CREB1: variants seen among roughly 807,000 people sequenced by gnomAD.
CREB1 encodes cyclic AMP-responsive element-binding protein 1.
CREB1 carries 2 observed loss-of-function variants against 42.0 expected under a neutral mutation model. The observed-to-expected ratio is 0.05, with a 90% CI of 0.02 to 0.15. The LOEUF (loss-of-function observed/expected upper bound fraction) is 0.15, where lower values mean the gene tolerates loss of function less well. CREB1 is among the 10% of genes least tolerant of loss of function. The pLI, the probability that CREB1 is intolerant of heterozygous loss-of-function variation, is 1.00. For synonymous variants in CREB1, 123 were observed against 139.9 expected (o/e 0.88, Z 0.85); for missense variants, 199 against 388.9 (o/e 0.51, Z 4.11).
chr2:207,605,091 G>A lies in CREB1; in HGVS notation c.*8033G>A, dbSNP rs1355420433. ...AATTATTTGGGGTATATGCCTGGGAGTGGAGTTGCTGGGTCATGTTGAAAT... is the reference window on the plus strand; with the variant it reads ...AATTATTTGGGGTATATGCCTGGGAATGGAGTTGCTGGGTCATGTTGAAAT... On this transcript the variant is annotated 3_prime_UTR_variant, in exon 8 of 8. Coordinates refer to ENST00000353267, the MANE Select transcript of CREB1 (RefSeq NM_004379.5). Among the ~76,000 whole-genome samples the A allele has an allele frequency of 6.6e-6, 1 of 152,202 alleles. No homozygotes were observed. The highest frequency in any genetic ancestry group is 1.5e-5 in the Non-Finnish European group (1 of 68,046).
At chr2:207,532,563 C>G (rs2106324806) in intron 1 of CREB1, among the ~76,000 whole-genome samples, 1 of 151,296 alleles carries the variant, frequency 6.6e-6, no homozygotes, top group African/African-American at 2.4e-5. Context: ...ATCCCAGCTA[C>G]TAGGGTAGCT....
intron 7 of CREB1, among the ~76,000 whole-genome samples, chr2:207,595,329 C>A (rs1226518484): frequency 6.6e-6 from 1 of 151,934 alleles, no homozygotes; most frequent in African/African-American, 2.4e-5. Context: ...ATTTATATAT[C>A]TCTGGAGAAA....
At chr2:207,568,614 T>G (rs2082231364) in intron 4 of CREB1, among the ~76,000 whole-genome samples, 1 of 152,162 alleles carries the variant, frequency 6.6e-6, no homozygotes, top group South Asian at 2.1e-4. Flanking sequence ...TTTATGTGAC[T>G]AAGCACATGA....
intron 7 of CREB1, among the ~76,000 whole-genome samples, chr2:207,587,265 T>C (rs549804073): frequency 6.6e-4 from 100 of 151,430 alleles, no homozygotes; most frequent in Non-Finnish European, 1.2e-3. Flanking sequence ...TGGTGGCGGG[T>C]GCCTGTAGTC....
chr2:207,555,783 C>A lies in CREB1; in HGVS notation c.114+34C>A, dbSNP rs748666092. The A allele has an allele frequency of 2.9e-6, 4 of 1,382,326 alleles. No homozygotes were observed. In the African/African-American group the frequency reaches 4.3e-5, roughly 15 times the overall value. 85.6% of individuals were successfully genotyped at this position (1,382,326 alleles called of 1,614,324 possible). ...TACATGGAGAGATTCCAGTTTGTGT[C>A]TCTTCCTAGAGGAATACGTTTCCAA... is the stretch of plus-strand genomic sequence containing the variant. On this transcript the variant is annotated intron_variant, in intron 2 of 7. Coordinates refer to ENST00000353267, the MANE Select transcript of CREB1 (RefSeq NM_004379.5).
intron 7 of CREB1, chr2:207,582,259 T>C (rs1057511668): frequency 3.4e-5 from 23 of 669,774 alleles, no homozygotes; most frequent in Non-Finnish European, 5.4e-5. Context: ...TATGCAGATA[T>C]ATTCTTTTCT....
intron 3 of CREB1, among the ~76,000 whole-genome samples, chr2:207,567,237 G>GA (rs1015779369): frequency 6.6e-5 from 10 of 150,606 alleles, no homozygotes; most frequent in East Asian, 1.9e-4. Flanking sequence ...ATGGAGTCCT[G>GA]AAAAAAAAAT....
intron 2 of CREB1, among the ~76,000 whole-genome samples, chr2:207,556,765 G>A (rs2081740667): frequency 6.6e-6 from 1 of 152,204 alleles, no homozygotes; most frequent in African/African-American, 2.4e-5. Context: ...AGGGGAGAGA[G>A]CCAGGACTTC....
chr2:207,559,478 C>T (rs965142157), intron 2 of CREB1, among the ~76,000 whole-genome samples: 2 of 152,176 alleles, frequency 1.3e-5, no homozygotes, highest in African/African-American at 4.8e-5. Flanking sequence ...CTATCTTTCT[C>T]ACTTTTGTAG....
At chr2:207,567,803 GCTGT>G (rs1559290471) in intron 4 of CREB1, 2 of 283,026 alleles carry the variant, frequency 7.1e-6, no homozygotes, top group African/African-American at 4.4e-5. Context: ...GACTGTGCTG[GCTGT>G]CTTTCTGTTA....
chr2:207,577,995 A>G (rs1174739147), intron 7 of CREB1: 2 of 297,006 alleles, frequency 6.7e-6, no homozygotes, highest in Admixed American at 4.8e-5. Flanking sequence ...AAGAAGATCA[A>G]GAGTTTCATA....
Position 207,572,779 on chromosome 2 carries a change from G to A in CREB1, c.505+2458G>A, listed in dbSNP as rs143513448. Among the ~76,000 whole-genome samples the A allele has an allele frequency of 1.3e-3, 196 of 151,084 alleles. 4 individuals are homozygous for A. In the East Asian group the frequency reaches 0.035, roughly 27 times the overall value. On this transcript the variant is annotated intron_variant, in intron 5 of 7. Transcript: ENST00000353267. ...TGCAGTGAGCCGAGATAGCGCCACT[G>A]CATTCCAGCCTGGGCAACAGCGAGA...
rs372707762 is a variant in CREB1 at position 207,574,290 on chromosome 2, A to G, written c.506-982A>G. On this transcript the variant is annotated intron_variant, in intron 5 of 7. Coordinates refer to ENST00000353267, the MANE Select transcript of CREB1 (RefSeq NM_004379.5). ...TTTACTTTTTTCTTACTCAGTTAAA[A>G]TCAGTTTTGTAGTTTTATATGTGAT... Among the ~76,000 whole-genome samples the G allele has an allele frequency of 9.8e-5, 15 of 152,324 alleles. No individual in the cohort carries two copies. In the East Asian group the frequency reaches 2.5e-3, roughly 25 times the overall value.
At chr2:207,540,262 C>T (rs2081041035) in intron 1 of CREB1, among the ~76,000 whole-genome samples, 2 of 152,066 alleles carry the variant, frequency 1.3e-5, no homozygotes, top group African/African-American at 2.4e-5. Flanking sequence ...CAGTGGGACA[C>T]GTTGTGGAGG....
chr2:207,596,475 T>G (rs934587230), intron 7 of CREB1, among the ~76,000 whole-genome samples: 3 of 150,808 alleles, frequency 2.0e-5, no homozygotes, highest in Non-Finnish European at 4.4e-5. Context: ...CTCTTGTCAC[T>G]CAGGCTGGAG....
intron 7 of CREB1, among the ~76,000 whole-genome samples, chr2:207,578,909 A>G (rs563536509): frequency 3.5e-4 from 53 of 151,890 alleles, no homozygotes; most frequent in African/African-American, 1.1e-3. Context: ...TCCTGCCTCA[A>G]CCTCCCGAGT....
chr2:207,550,261 G>C (rs1293244864), intron 1 of CREB1: 3 of 151,416 alleles, frequency 2.0e-5, no homozygotes, highest in Admixed American at 1.3e-4. Flanking sequence ...TGATTGCTGA[G>C]AATTCAGGAG....
intron 7 of CREB1, among the ~76,000 whole-genome samples, chr2:207,592,685 C>T (rs2085293093): frequency 6.6e-6 from 1 of 151,994 alleles, no homozygotes; most frequent in African/African-American, 2.4e-5. Flanking sequence ...CTTTGGGAGA[C>T]CAAGGCAGGC....
chr2:207,536,219 A>C (rs950916252), intron 1 of CREB1, among the ~76,000 whole-genome samples: 1 of 152,224 alleles, frequency 6.6e-6, no homozygotes, highest in Non-Finnish European at 1.5e-5. Context: ...ATAATATAGC[A>C]GCAAGGGCAC....
Sources: allele counts gnomAD v4.1 joint callset (sites outside exome capture counted in the v4.1 genomes callset), GRCh38; gene constraint gnomAD v4.1.1; transcripts MANE v1.5; gene names NCBI Gene and HGNC (gene_info 2026-07-23, HGNC 2026-07-21).